Variants in SYNE1 observed in about 807,000 individuals in gnomAD.
SYNE1 encodes the protein spectrin repeat containing nuclear envelope protein 1.
A neutral mutation model predicts 1,111.0 loss-of-function variants in SYNE1; 616 were observed. The observed-to-expected ratio is 0.55, with a 90% CI of 0.52 to 0.59. The LOEUF (loss-of-function observed/expected upper bound fraction) is 0.59, where lower values mean the gene tolerates loss of function less well. Among genes scored for constraint, SYNE1 ranks in the 20% least tolerant of loss-of-function variants. SYNE1 has a pLI of 0.00. For missense variants in SYNE1, 10,006 were observed against 10,417.0 expected (o/e 0.96, Z 1.72); for synonymous variants, 3,855 against 3,825.8 (o/e 1.01, Z -0.28).
intron 122 of SYNE1, among the ~76,000 whole-genome samples, chr6:152,214,386 A>C (rs2078165782): frequency 6.6e-6 from 1 of 152,182 alleles, no homozygotes; most frequent in South Asian, 2.1e-4. Flanking sequence ...CTTTTAGTTC[A>C]AATTTTGTCA....
At chr6:152,515,481 C>T (rs1350715493) in intron 6 of SYNE1, among the ~76,000 whole-genome samples, 1 of 152,172 alleles carries the variant, frequency 6.6e-6, no homozygotes, top group Non-Finnish European at 1.5e-5. Context: ...ACATTAATTA[C>T]ATTTTAATAA....
At position 152,455,452 on chromosome 6, in the gene SYNE1, G is replaced by A. The variant is rs760415512; in HGVS notation, c.2866C>T (p.Pro956Ser). 1 of 1,614,050 alleles carries A rather than the reference G, an allele frequency of 6.2e-7. No homozygotes were observed. The highest frequency in any genetic ancestry group is 8.5e-7 in the Non-Finnish European group (1 of 1,179,998). The change falls in exon 24 of 146, where the codon CCA (proline) becomes TCA (serine). Residue 956 changes from proline to serine, a missense_variant. By Grantham distance (74) the Pro-to-Ser change is moderately conservative. Coordinates refer to ENST00000367255, the MANE Select transcript of SYNE1 (RefSeq NM_182961.4). ...GTGTGTCTCCGCAGGAGCTCCTCTGGATCCCCCTTTTCCTCCAGGCCCTCC... is the reference window on the plus strand; with the variant it reads ...GTGTGTCTCCGCAGGAGCTCCTCTGAATCCCCCTTTTCCTCCAGGCCCTCC... ...AQEGLEEKGD[P>S]EELLRRHTEF...
At chr6:152,162,050 A>T (rs1341182038) in intron 131 of SYNE1, among the ~76,000 whole-genome samples, 1 of 152,152 alleles carries the variant, frequency 6.6e-6, no homozygotes, top group African/African-American at 2.4e-5. Context: ...TTCTCCAGAG[A>T]GTAATCATCT....
chr6:152,145,591 T>A, intron 137 of SYNE1: 3 of 1,582,908 alleles, frequency 1.9e-6, no homozygotes, highest in Non-Finnish European at 2.6e-6. Context: ...GACAGCTAAG[T>A]TCTGGAAACC....
chr6:152,207,012 A>G (rs1029743313), intron 125 of SYNE1, among the ~76,000 whole-genome samples: 1 of 152,310 alleles, frequency 6.6e-6, no homozygotes, highest in Non-Finnish European at 1.5e-5. Context: ...ATCGAGTAAA[A>G]GTAGAATGGA....
chr6:152,427,782 A>T lies in SYNE1; in HGVS notation c.5011T>A (p.Leu1671Ile). The T allele has an allele frequency of 6.2e-7, 1 of 1,614,146 alleles. No homozygotes were observed. The highest frequency in any genetic ancestry group is 8.5e-7 in the Non-Finnish European group (1 of 1,180,030). ...CTGGCTTTAGCTTCACCCCGCTCTAACCAGGTCAAAAAGGATGATAGTTCT... is the reference window on the plus strand; with the variant it reads ...CTGGCTTTAGCTTCACCCCGCTCTATCCAGGTCAAAAAGGATGATAGTTCT... ...EKELSSFLTW[L>I]ERGEAKASSP... Residue 1671 changes from leucine to isoleucine, a missense_variant, in exon 38 of 146, where the codon TTA becomes ATA. Physicochemically the swap from Leu to Ile is conservative, Grantham distance 5 (BLOSUM62 2). Transcript: ENST00000367255.
At chr6:152,553,519 G>A (rs1436449095) in intron 3 of SYNE1, among the ~76,000 whole-genome samples, 1 of 152,112 alleles carries the variant, frequency 6.6e-6, no homozygotes, top group African/African-American at 2.4e-5. Flanking sequence ...ATGATGCTCA[G>A]TTATCTTCCC....
chr6:152,174,623 G>C (rs931177554), intron 130 of SYNE1, among the ~76,000 whole-genome samples: 1 of 152,166 alleles, frequency 6.6e-6, no homozygotes, highest in African/African-American at 2.4e-5. Context: ...TCTCTAACAG[G>C]GAAAAGGAAG....
At chr6:152,128,318 G>T (rs2054236588) in intron 145 of SYNE1, 1 of 152,170 alleles carries the variant, frequency 6.6e-6, no homozygotes, top group African/African-American at 2.4e-5. Flanking sequence ...CTAATTTTAA[G>T]AAGTTCTAGG....
chr6:152,624,033 G>C (rs965154640), intron 3 of SYNE1, among the ~76,000 whole-genome samples: 5 of 152,108 alleles, frequency 3.3e-5, no homozygotes, highest in Non-Finnish European at 1.5e-5. Context: ...AGAGGAGATT[G>C]TGATTACTTT....
chr6:152,545,812 C>T (rs1324913885), intron 3 of SYNE1: 1 of 152,002 alleles, frequency 6.6e-6, no homozygotes, highest in African/African-American at 2.4e-5. Context: ...AAATACATGT[C>T]TTAAGGATTT....
chr6:152,511,061 G>T lies in SYNE1; in HGVS notation c.352C>A (p.Arg118=), dbSNP rs1473936270. ...ATCAATCCAAGAACTATTGAGGGTC[G>T]GCCATCAGCTATATCGGTGGAGTTA... is the stretch of plus-strand genomic sequence containing the variant. ...NINSTDIADG[R]PSIVLGLMWT... is the part of the protein sequence containing the mutation. The change falls in exon 7 of 146, where the codon CGA becomes AGA. Residue 118 remains arginine (R), a synonymous_variant. Transcript: ENST00000367255. 6.2e-7 allele frequency: 1 copy of T among 1,613,836 alleles called. No individual in the cohort carries two copies. The highest frequency in any genetic ancestry group is 1.7e-5 in the Admixed American group (1 of 59,994).
At chr6:152,396,165 G>A (rs1290361519) in intron 50 of SYNE1, among the ~76,000 whole-genome samples, 1 of 152,218 alleles carries the variant, frequency 6.6e-6, no homozygotes, top group Non-Finnish European at 1.5e-5. Context: ...AGAAGGGAAA[G>A]TGGCCTCTGT....
At chr6:152,571,911 A>G (rs918993657) in intron 3 of SYNE1, among the ~76,000 whole-genome samples, 2 of 152,154 alleles carry the variant, frequency 1.3e-5, no homozygotes, top group African/African-American at 4.8e-5. Flanking sequence ...AAATTTTTCA[A>G]TGCTAGTTTG....
chr6:152,526,317 G>C, intron 4 of SYNE1, 142 bp from the exon 5 acceptor site: 1 of 811,694 alleles, frequency 1.2e-6, no homozygotes, highest in Non-Finnish European at 2.0e-6. Context: ...TTTGGATTGA[G>C]TTGCCAATTG....
Position 152,600,123 on chromosome 6 carries a change from A to G in SYNE1, c.67+28142T>C, listed in dbSNP as rs1583198934. 2.0e-5 allele frequency among the ~76,000 whole-genome samples: 3 copies of G among 152,348 alleles called. No homozygotes were observed. In the South Asian group the frequency reaches 6.2e-4, roughly 32 times the overall value. ...AATGCAGTAGCAGTTGACAAGCCCT[A>G]TGACTTCACATATAGTATGTAACAA... On this transcript the variant is annotated intron_variant, in intron 3 of 145. Transcript: ENST00000367255.
In SYNE1 at chr6:152,318,514, A is replaced by C. The variant is rs115972472; in HGVS notation, c.16390-251T>G. On this transcript the variant is annotated intron_variant, in intron 85 of 145. Transcript: ENST00000367255. ...TTTCCTTCTGCCCCACCCAAAAAGG[A>C]TTAGAGTCCCTGAACTCATCAACAG... Among the ~76,000 whole-genome samples, 831 of 152,334 alleles carry C rather than the reference A, an allele frequency of 5.5e-3. 13 individuals are homozygous for C. The highest frequency in any genetic ancestry group is 0.019 in the African/African-American group (798 of 41,568).
intron 51 of SYNE1, among the ~76,000 whole-genome samples, chr6:152,392,237 C>A (rs2097654127): frequency 6.6e-6 from 1 of 152,042 alleles, no homozygotes; most frequent in African/African-American, 2.4e-5. Flanking sequence ...CAAGACCCAA[C>A]ACAATATTGT....
chr6:152,409,677 A>G lies in SYNE1; in HGVS notation c.6263T>C (p.Met2088Thr). The G allele has an allele frequency of 3.1e-6, 5 of 1,613,856 alleles. No homozygotes were observed. The highest frequency in any genetic ancestry group is 4.2e-6 in the Non-Finnish European group (5 of 1,179,960). Residue 2088 changes from methionine to threonine, a missense_variant, in exon 43 of 146, where the codon ATG becomes ACG. Around this residue, in one of 7 missense-constraint regions of SYNE1, gnomAD observed 4,955 missense variants for 5,017.2 expected, o/e 0.99. Transcript: ENST00000367255. ...TGATTTCAGGTTCTGATATTCTCTC[A>G]TTAAGTCAATAAGTCCACAGCACTG... ...QGQCCGLIDL[M>T]REYQNLKSAV... is the part of the protein sequence containing the mutation.
Sources: allele counts gnomAD v4.1 joint callset (sites outside exome capture counted in the v4.1 genomes callset), GRCh38; gene constraint gnomAD v4.1.1; regional missense constraint gnomAD v4.1.1; transcripts MANE v1.5; gene names NCBI Gene and HGNC (gene_info 2026-07-23, HGNC 2026-07-21).